VANGL1: variants seen among roughly 807,000 people sequenced by gnomAD.
The protein encoded by VANGL1 is vang-like protein 1.
VANGL1 carries 18 observed loss-of-function variants against 48.4 expected under a neutral mutation model. The ratio of observed to expected loss-of-function variants is 0.37; its 90% CI spans 0.26 to 0.55. The LOEUF (loss-of-function observed/expected upper bound fraction) is 0.55. Among genes scored for constraint, VANGL1 ranks in the 20% least tolerant of loss-of-function variants. The pLI is 0.81. For missense variants in VANGL1, 667 were observed against 675.8 expected, an observed-to-expected ratio of 0.99 and a Z score of 0.14; for synonymous variants, 257 against 261.8, an observed-to-expected ratio of 0.98 and a Z score of 0.18.
At chr1:115,650,783 C>T (rs1438045148) in intron 1 of VANGL1, among the ~76,000 whole-genome samples, 1 of 151,370 alleles carries the variant, frequency 6.6e-6, no homozygotes, top group Non-Finnish European at 1.5e-5. Context: ...AAAAAGAAAT[C>T]AGTTCCCTCA....
intron 4 of VANGL1, among the ~76,000 whole-genome samples, chr1:115,677,233 C>G (rs544503274): frequency 2.0e-5 from 3 of 152,308 alleles, no homozygotes; most frequent in Non-Finnish European, 4.4e-5. Flanking sequence ...GTGCTTCTTT[C>G]CAGGTCTGTT....
chr1:115,672,113 G>A (rs1173631294), intron 4 of VANGL1, among the ~76,000 whole-genome samples: 1 of 152,184 alleles, frequency 6.6e-6, no homozygotes, highest in African/African-American at 2.4e-5. Context: ...GGCATGCTCT[G>A]GGTATAGTTT....
intron 7 of VANGL1, 47 bp from the exon 8 acceptor site, chr1:115,691,072 T>G (rs776537462): frequency 6.2e-7 from 1 of 1,614,000 alleles, no homozygotes; most frequent in Non-Finnish European, 8.5e-7. Flanking sequence ...GTACTGCCCT[T>G]AAAACAGGCT....
At position 115,651,288 on chromosome 1, in the gene VANGL1, G is replaced by T; in HGVS notation, c.-126G>T. ...CCCCTCTTTCCCAGAATTTGTTCCT[G>T]TTGAAGAGTGGCTCCTCTTCTAATT... On this transcript the variant is annotated 5_prime_UTR_variant, in exon 2 of 8. Transcript: ENST00000355485. 1 of 772,574 alleles carries T rather than the reference G, an allele frequency of 1.3e-6. No homozygotes were observed. The highest frequency in any genetic ancestry group is 2.2e-6 in the Non-Finnish European group (1 of 455,500). 47.9% of individuals were successfully genotyped at this position (772,574 alleles called of 1,614,324 possible).
Position 115,693,004 on chromosome 1 carries a change from A to G in VANGL1, c.*1625A>G, listed in dbSNP as rs376483138. On this transcript the variant is annotated 3_prime_UTR_variant, in exon 8 of 8. Transcript: ENST00000355485. ...GTATTTTGTGTCATTGTAAAAATCA[A>G]AATTGGCTTTGGATCTTTGTAATAC... 6.6e-6 allele frequency: 1 copy of G among 152,222 alleles called. No homozygotes were observed. Among genetic ancestry groups the G allele is most frequent in the Non-Finnish European group, 1.5e-5 (1 of 68,034 alleles). The allele number at this position is 152,222 out of a possible 1,614,324, so 9.4% of individuals were successfully genotyped here. A position where few individuals can be genotyped will look rare whatever the true frequency, so the allele number is the denominator to read the frequency against.
intron 2 of VANGL1, 100 bp from the exon 3 acceptor site, chr1:115,659,539 GTA>G (rs1652467948): frequency 3.2e-6 from 4 of 1,266,742 alleles, no homozygotes; most frequent in African/African-American, 1.6e-5. Flanking sequence ...GTGTGTGTGT[GTA>G]TGTAGAATTT....
intron 4 of VANGL1, among the ~76,000 whole-genome samples, chr1:115,666,405 G>T (rs1345509588): frequency 6.6e-6 from 1 of 152,184 alleles, no homozygotes; most frequent in Non-Finnish European, 1.5e-5. Context: ...AAGTATGCCT[G>T]TGGCGTGTTC....
intron 4 of VANGL1, among the ~76,000 whole-genome samples, chr1:115,673,833 C>T (rs1354569002): frequency 6.6e-6 from 1 of 152,014 alleles, no homozygotes; most frequent in African/African-American, 2.4e-5. Flanking sequence ...CTCCTGACCT[C>T]AAATGATCTG....
chr1:115,659,777 A>AGGATCAAAGGT lies in VANGL1; in HGVS notation c.204+7_204+17dup. The AGGATCAAAGGT allele has an allele frequency of 1.2e-6, 2 of 1,614,150 alleles. No individual in the cohort carries two copies. The highest frequency in any genetic ancestry group is 1.7e-6 in the Non-Finnish European group (2 of 1,180,020). On this transcript the variant is annotated splice_donor_region_variant and intron_variant, in intron 3 of 7. Coordinates refer to ENST00000355485, the MANE Select transcript of VANGL1 (RefSeq NM_138959.3). ...TACTCGGACAGAGGAAGTTCAGGTAAGGATCAAAGGTGGTCTGTAAGCACA... is the reference window on the plus strand; with the variant it reads ...TACTCGGACAGAGGAAGTTCAGGTAAGGATCAAAGGTGGATCAAAGGTGGTCTGTAAGCACA...
chr1:115,661,754 A>G (rs1179488488), intron 3 of VANGL1, among the ~76,000 whole-genome samples: 1 of 151,994 alleles, frequency 6.6e-6, no homozygotes, highest in Non-Finnish European at 1.5e-5. Context: ...AATAGCCGGG[A>G]TTACAGGCAC....
Position 115,685,509 on chromosome 1 carries a change from C to T in VANGL1, c.1296C>T (p.Thr432=). The change falls in exon 7 of 8, where the codon ACC becomes ACT. Residue 432 remains threonine (T), a synonymous_variant. Coordinates refer to ENST00000355485, the MANE Select transcript of VANGL1 (RefSeq NM_138959.3). ...SILQHLAFCI[T]NGMTPKAFLE... is the part of the protein sequence containing the mutation. ...TGCAGCACCTGGCCTTCTGCATCACCAACGGCATGACCCCCAAGGTGCGCT... is the reference window on the plus strand; with the variant it reads ...TGCAGCACCTGGCCTTCTGCATCACTAACGGCATGACCCCCAAGGTGCGCT... 6.2e-7 allele frequency: 1 copy of T among 1,614,062 alleles called. No individual in the cohort carries two copies. Among genetic ancestry groups the T allele is most frequent in the Non-Finnish European group, 8.5e-7 (1 of 1,180,016 alleles).
At chr1:115,690,855 T>C (rs1341468613) in intron 7 of VANGL1, among the ~76,000 whole-genome samples, 1 of 152,132 alleles carries the variant, frequency 6.6e-6, no homozygotes, top group Non-Finnish European at 1.5e-5. Context: ...CACCCCATTT[T>C]CCCTCCCCTC....
chr1:115,688,954 T>C (rs1354350982), intron 7 of VANGL1, among the ~76,000 whole-genome samples: 1 of 134,548 alleles, frequency 7.4e-6, no homozygotes, highest in Non-Finnish European at 1.6e-5. Flanking sequence ...CACGCCCAGC[T>C]AATTTTTTTT....
rs1420034038 is a variant in VANGL1, at chr1:115,696,739, A to G, written c.*5360A>G. On this transcript the variant is annotated 3_prime_UTR_variant, in exon 8 of 8. Transcript: ENST00000355485. Reference sequence around the variant, plus strand: ...TTAGTGGGTTGTTTTAGTCTCTCCAACAAAAGAGCAGATTCCTAAAGCCAG... The same window carrying G: ...TTAGTGGGTTGTTTTAGTCTCTCCAGCAAAAGAGCAGATTCCTAAAGCCAG... The G allele has an allele frequency of 1.3e-5, 2 of 152,200 alleles. No homozygotes were observed. The highest frequency in any genetic ancestry group is 2.9e-5 in the Non-Finnish European group (2 of 68,036). The allele number at this position is 152,200 out of a possible 1,614,324, so 9.4% of individuals were successfully genotyped here.
chr1:115,656,342 A>T (rs1652355297), intron 2 of VANGL1, among the ~76,000 whole-genome samples: 1 of 152,250 alleles, frequency 6.6e-6, no homozygotes, highest in African/African-American at 2.4e-5. Flanking sequence ...ACTTCCAAGC[A>T]GTCACTCAGC....
chr1:115,687,709 G>C lies in VANGL1; in HGVS notation c.1314+2182G>C, dbSNP rs1211120177. On this transcript the variant is annotated intron_variant, in intron 7 of 7. Coordinates refer to ENST00000355485, the MANE Select transcript of VANGL1 (RefSeq NM_138959.3). Reference sequence around the variant, plus strand: ...GGGTCATTGCTCTCTCTTTCTCTGTGTGTGTGTGTGTGTGTGTGTGTGTGT... The same window carrying C: ...GGGTCATTGCTCTCTCTTTCTCTGTCTGTGTGTGTGTGTGTGTGTGTGTGT... Among the ~76,000 whole-genome samples the C allele has an allele frequency of 1.3e-4, 6 of 46,060 alleles. 2 individuals are homozygous for C. The highest frequency in any genetic ancestry group is 4.5e-4 in the African/African-American group (5 of 11,040). The allele number at this position is 46,060 out of a possible 152,430, so 30.2% of individuals were successfully genotyped here. A position where few individuals can be genotyped will look rare whatever the true frequency, so the allele number is the denominator to read the frequency against.
chr1:115,685,709 G>A (rs138902110), intron 7 of VANGL1, among the ~76,000 whole-genome samples, 182 bp downstream of exon 7: 11 of 152,214 alleles, frequency 7.2e-5, no homozygotes, highest in African/African-American at 2.6e-4. Context: ...TTTTAAATGT[G>A]CCTTTCGAAG....
intron 2 of VANGL1, among the ~76,000 whole-genome samples, chr1:115,656,648 C>T (rs1475247765): frequency 1.3e-5 from 2 of 152,222 alleles, no homozygotes; most frequent in Non-Finnish European, 2.9e-5. Context: ...TCTGGTTTCC[C>T]TCCGATGTTA....
Position 115,664,074 on chromosome 1 carries a change from C to A in VANGL1, c.618C>A (p.Val206=). The change falls in exon 4 of 8, where the codon GTC becomes GTA. Residue 206 remains valine (V), a synonymous_variant. Coordinates refer to ENST00000355485, the MANE Select transcript of VANGL1 (RefSeq NM_138959.3). ...FVVSYWLFYG[V]RILDSRDRNY... ...TTTCCTATTGGCTTTTTTACGGGGT[C>A]CGCATTTTGGACTCTCGGGACCGGA... is the stretch of plus-strand genomic sequence containing the variant. The A allele has an allele frequency of 3.1e-6, 5 of 1,614,150 alleles. No homozygotes were observed. The highest frequency in any genetic ancestry group is 4.2e-6 in the Non-Finnish European group (5 of 1,180,034).
Sources: allele counts gnomAD v4.1 joint callset (sites outside exome capture counted in the v4.1 genomes callset), GRCh38; gene constraint gnomAD v4.1.1; transcripts MANE v1.5; gene names NCBI Gene and HGNC (gene_info 2026-07-23, HGNC 2026-07-21).